SYN2: variants seen among roughly 807,000 people sequenced by gnomAD.
The protein encoded by SYN2 is synapsin-2.
Under a neutral mutation model 50.9 loss-of-function variants are expected in SYN2, and 19 were observed. The observed-to-expected ratio is 0.37, with a 90% CI of 0.26 to 0.55. The LOEUF (loss-of-function observed/expected upper bound fraction) is 0.55, where lower values mean the gene tolerates loss of function less well. Among genes scored for constraint, SYN2 ranks in the 20% least tolerant of loss-of-function variants. The probability of loss-of-function intolerance (pLI) is 0.81; values close to 1 mark genes in which losing one functional copy is unlikely to be tolerated. For synonymous variants in SYN2, 255 were observed against 224.9 expected (o/e 1.13, Z -1.20); for missense variants, 587 against 576.4 (o/e 1.02, Z -0.19).
intron 1 of SYN2, among the ~76,000 whole-genome samples, chr3:12,068,207 A>C (rs1371126422): frequency 8.0e-6 from 1 of 125,058 alleles, no homozygotes; most frequent in Non-Finnish European, 1.7e-5. Context: ...TCAACCTTTC[A>C]TGTCTGAAAA....
At chr3:12,173,836 C>T (rs536702945) in intron 10 of SYN2, among the ~76,000 whole-genome samples, 51 of 152,274 alleles carry the variant, frequency 3.3e-4, no homozygotes, top group African/African-American at 1.2e-3. Context: ...ATCACCTGAA[C>T]CCGGGAAGCA....
intron 1 of SYN2, among the ~76,000 whole-genome samples, chr3:12,053,776 T>C (rs1694924729): frequency 6.6e-6 from 1 of 152,180 alleles, no homozygotes; most frequent in African/African-American, 2.4e-5. Context: ...TTTGTATGCC[T>C]CAAGTAATTA....
chr3:12,060,336 AG>A (rs1460107948), intron 1 of SYN2, among the ~76,000 whole-genome samples: 1 of 152,132 alleles, frequency 6.6e-6, no homozygotes, highest in African/African-American at 2.4e-5. Context: ...ATACACCCGG[AG>A]CCTTCTCCAT....
intron 1 of SYN2, among the ~76,000 whole-genome samples, chr3:12,128,986 ACAT>A (rs1301990562): frequency 6.6e-6 from 1 of 152,216 alleles, no homozygotes; most frequent in Non-Finnish European, 1.5e-5. Flanking sequence ...CATGGAGCTT[ACAT>A]TTTGGTTGGG....
At chr3:12,154,231 C>CA (rs1697386564) in intron 5 of SYN2, 1 of 1,555,676 alleles carries the variant, frequency 6.4e-7, no homozygotes, top group African/African-American at 1.4e-5. Context: ...GTGCAGATCT[C>CA]AAGTATAGTC....
At chr3:12,059,343 G>A (rs1437396447) in intron 1 of SYN2, among the ~76,000 whole-genome samples, 4 of 152,184 alleles carry the variant, frequency 2.6e-5, no homozygotes, top group African/African-American at 9.6e-5. Context: ...ATAAGTGGGT[G>A]GTGGGCCCAC....
At chr3:12,150,747 G>A (rs1050395752) in intron 4 of SYN2, among the ~76,000 whole-genome samples, 24 of 152,256 alleles carry the variant, frequency 1.6e-4, no homozygotes, top group Admixed American at 1.5e-3. Flanking sequence ...TCAAATTCTT[G>A]GTGATTCCAT....
At chr3:12,153,161 A>G in intron 5 of SYN2, 1 of 363,370 alleles carries the variant, frequency 2.8e-6, no homozygotes. Context: ...TCTCATGTGT[A>G]TGACATTCGC....
In SYN2 at chr3:12,125,509, A is replaced by G. The variant is rs75804011; in HGVS notation, c.378-15142A>G. Among the ~76,000 whole-genome samples, 37 of 152,296 alleles carry G rather than the reference A, an allele frequency of 2.4e-4. No homozygotes were observed. In the East Asian group the frequency reaches 6.9e-3, roughly 29 times the overall value. ...ATCTCAGAGATATCCAACTTCCAAT[A>G]CTTGCTGCTTTATTCAGGTCTGATC... On this transcript the variant is annotated intron_variant, in intron 1 of 12. Coordinates refer to ENST00000621198, the MANE Select transcript of SYN2 (RefSeq NM_133625.6).
intron 1 of SYN2, among the ~76,000 whole-genome samples, chr3:12,019,981 A>G (rs1694098101): frequency 6.6e-6 from 1 of 152,198 alleles, no homozygotes; most frequent in Non-Finnish European, 1.5e-5. Context: ...GGGATAGATA[A>G]AAAAATTGCT....
intron 1 of SYN2, among the ~76,000 whole-genome samples, chr3:12,022,417 A>G (rs1694161093): frequency 6.6e-6 from 1 of 151,912 alleles, no homozygotes; most frequent in Non-Finnish European, 1.5e-5. Context: ...TATTATTATT[A>G]TTAGTTTTTG....
chr3:12,176,162 G>A (rs1451478516), intron 10 of SYN2, among the ~76,000 whole-genome samples: 14 of 152,128 alleles, frequency 9.2e-5, no homozygotes, highest in Non-Finnish European at 1.8e-4. Context: ...CTCTTGTCTA[G>A]GATCTGAGCT....
rs571450423 is a variant in SYN2 at position 12,010,486 on chromosome 3, A to G, written c.377+5558A>G. On this transcript the variant is annotated intron_variant, in intron 1 of 12. Transcript: ENST00000621198. The stretch of plus-strand genomic sequence containing the variant: ...TAATATTGTATGGTAATTAGTATGC[A>G]TAGGATGCTATGGGAACACAGAGAT... Among the ~76,000 whole-genome samples the G allele has an allele frequency of 3.3e-5, 5 of 152,366 alleles. No homozygotes were observed. In the East Asian group the frequency reaches 9.6e-4, roughly 29 times the overall value.
intron 11 of SYN2, chr3:12,184,509 A>G (rs1013664971): frequency 2.1e-5 from 21 of 985,772 alleles, no homozygotes; most frequent in Non-Finnish European, 2.4e-5. Context: ...AAAATGTCCC[A>G]TGTCACTTGA....
chr3:12,116,452 A>G (rs1331929014), intron 1 of SYN2, among the ~76,000 whole-genome samples: 1 of 152,196 alleles, frequency 6.6e-6, no homozygotes, highest in Admixed American at 6.5e-5. Context: ...TGATCGGTCA[A>G]TGATCTGGTG....
intron 1 of SYN2, among the ~76,000 whole-genome samples, chr3:12,065,660 T>G (rs1017523317): frequency 6.6e-6 from 1 of 152,062 alleles, no homozygotes; most frequent in Non-Finnish European, 1.5e-5. Flanking sequence ...TGGGTACTCG[T>G]AGACATAAAG....
At chr3:12,184,417 A>G in intron 11 of SYN2, 1 of 985,936 alleles carries the variant, frequency 1.0e-6, no homozygotes, top group Non-Finnish European at 1.2e-6. Context: ...CATAGAATGC[A>G]GGGAGCTACT....
intron 1 of SYN2, among the ~76,000 whole-genome samples, chr3:12,138,046 C>T (rs1696938444): frequency 6.6e-6 from 1 of 152,210 alleles, no homozygotes; most frequent in Admixed American, 6.5e-5. Flanking sequence ...TTCTAGCACA[C>T]TGCCCTGTAC....
At chr3:12,016,206 T>C (rs1201210249) in intron 1 of SYN2, among the ~76,000 whole-genome samples, 1 of 152,190 alleles carries the variant, frequency 6.6e-6, no homozygotes, top group Non-Finnish European at 1.5e-5. Flanking sequence ...GATGAATAGC[T>C]AATGGTGAGA....
Sources: gnomAD v4.1 joint callset for allele counts (sites outside exome capture counted in the v4.1 genomes callset) on GRCh38, gnomAD v4.1.1 for gene constraint, MANE v1.5 for transcripts, NCBI Gene and HGNC (gene_info 2026-07-23, HGNC 2026-07-21) for gene names.